Variants in CENPI observed in about 807,000 individuals in gnomAD.
CENPI encodes centromere protein I.
Under a neutral mutation model 60.4 loss-of-function variants are expected in CENPI, and 4 were observed. That is an observed-to-expected ratio of 0.07 (90% CI 0.03 to 0.15). CENPI has a LOEUF of 0.15. CENPI is among the 10% of genes least tolerant of loss of function. The pLI, the probability that CENPI is intolerant of heterozygous loss-of-function variation, is 1.00. For missense variants in CENPI, 444 were observed against 534.5 expected (o/e 0.83, Z 1.67); for synonymous variants, 157 against 189.4 (o/e 0.83, Z 1.40).
intron 20 of CENPI, among the ~76,000 whole-genome samples, chrX:101,152,413 T>C (rs2148246311): frequency 9.1e-6 from 1 of 110,485 alleles, no homozygotes; most frequent in African/African-American, 3.3e-5. Context: ...CTTCTGTGAC[T>C]GGCTTCTTTC....
At chrX:101,181,208 A>G in the CENPI span, among the ~76,000 whole-genome samples, 18 of 110,385 alleles carry the variant, frequency 1.6e-4, no homozygotes, top group African/African-American at 5.3e-4. Flanking sequence ...TTGTTATTGT[A>G]CCTTTGTGAT....
chrX:101,158,364 G>T (rs1431626374), intron 20 of CENPI, among the ~76,000 whole-genome samples: 1 of 94,459 alleles, frequency 1.1e-5, no homozygotes, highest in Non-Finnish European at 2.0e-5. Context: ...CACAACCTCC[G>T]CCTCCTGGGT....
chrX:101,150,326 T>G (rs1379355276), intron 20 of CENPI, among the ~76,000 whole-genome samples: 2 of 108,284 alleles, frequency 1.8e-5, no homozygotes, highest in Non-Finnish European at 3.8e-5. Flanking sequence ...TAGGTACATT[T>G]GTTGTTTCTG....
At chrX:101,142,168 A>G (rs1350836792) in intron 16 of CENPI, among the ~76,000 whole-genome samples, 4 of 112,020 alleles carry the variant, frequency 3.6e-5, no homozygotes. Context: ...GTTTGCATCT[A>G]TAATATTTGG....
rs1335381045 is a variant in CENPI, at chrX:101,147,995, A to G, written c.1928A>G (p.Tyr643Cys). ...SSKTYQEFNH[Y>C]LTSMVGCLWT... ...AAGACTTATCAAGAATTTAATCACT[A>G]TTTGACATCAATGGTTGGTTGCCTG... is the stretch of plus-strand genomic sequence containing the variant. Residue 643 changes from tyrosine to cysteine, a missense_variant, in exon 20 of 22, where the codon TAT becomes TGT. Tyr to Cys is a radical substitution (Grantham distance 194). Coordinates refer to ENST00000682095, the MANE Select transcript of CENPI (RefSeq NM_001386188.2). The G allele has an allele frequency of 1.7e-6, 2 of 1,202,342 alleles. No homozygotes were observed. The highest frequency in any genetic ancestry group is 1.8e-5 in the African/African-American group (1 of 57,035).
At chrX:101,131,286 T>C (rs2089793565) in intron 13 of CENPI, among the ~76,000 whole-genome samples, 2 of 111,711 alleles carry the variant, frequency 1.8e-5, no homozygotes, top group Non-Finnish European at 3.8e-5. Context: ...GCTGAGATTA[T>C]AGGTGTGAGC....
chrX:101,136,778 A>G (rs2089852390), intron 15 of CENPI, among the ~76,000 whole-genome samples: 1 of 112,165 alleles, frequency 8.9e-6, no homozygotes, highest in South Asian at 3.7e-4. Flanking sequence ...AGTTGCAAAC[A>G]TAGTGGACAT....
chrX:101,136,408 A>G (rs1224637637), intron 15 of CENPI, among the ~76,000 whole-genome samples: 1 of 111,950 alleles, frequency 8.9e-6, no homozygotes, highest in Non-Finnish European at 1.9e-5. Context: ...AGAATAAGTG[A>G]CTAAAGGGGC....
intron 21 of CENPI, 132 bp downstream of exon 21, chrX:101,161,701 C>A (rs2090109493): frequency 9.3e-6 from 5 of 536,701 alleles, no homozygotes; most frequent in Non-Finnish European, 1.6e-5. Context: ...TGTTTGCCTT[C>A]CAAATTCATT....
chrX:101,122,619 T>C (rs1442792919), intron 8 of CENPI, among the ~76,000 whole-genome samples: 1 of 111,543 alleles, frequency 9.0e-6, no homozygotes, highest in East Asian at 2.8e-4. Flanking sequence ...GGCTCACACC[T>C]GTAATCCCAG....
the CENPI span, among the ~76,000 whole-genome samples, chrX:101,178,165 C>T: frequency 1.1e-4 from 12 of 111,323 alleles, no homozygotes; most frequent in South Asian, 3.8e-4. Context: ...CCTGGAGCCT[C>T]TCCAGGTTCC....
At position 101,120,763 on chromosome X, in the gene CENPI, G is replaced by A; in HGVS notation, c.666G>A (p.Leu222=). ...ENVKPFRVRK[L]LDLQAKMGMQ... is the part of the protein sequence containing the mutation. ...TCAAACCATTTCGTGTGAGAAAACTGCTTGATCTTCAGGCCAAAATGGTGA... is the reference window on the plus strand; with the variant it reads ...TCAAACCATTTCGTGTGAGAAAACTACTTGATCTTCAGGCCAAAATGGTGA... Residue 222 remains leucine, a synonymous_variant, in exon 8 of 22, where the codon CTG becomes CTA. Coordinates refer to ENST00000682095, the MANE Select transcript of CENPI (RefSeq NM_001386188.2). The A allele has an allele frequency of 8.3e-7, 1 of 1,209,265 alleles. No homozygotes were observed. The highest frequency in any genetic ancestry group is 1.1e-6 in the Non-Finnish European group (1 of 893,757).
rs755004593 is a variant in CENPI at position 101,132,392 on chromosome X, A to G, written c.1406A>G (p.Glu469Gly). ...VSWIPFSSFS[E>G]VKPLLFDHLA... ...GAATAATCTTTTTTTTGATTCCTAG[A>G]GGTGAAACCACTTCTTTTTGACCAT... The change falls in exon 15 of 22, where the codon GAG (glutamate) becomes GGG (glycine). Residue 469 changes from glutamate (E) to glycine (G), a missense_variant and splice_region_variant. By Grantham distance (98) the Glu-to-Gly change is moderately conservative. Coordinates refer to ENST00000682095, the MANE Select transcript of CENPI (RefSeq NM_001386188.2). 1.7e-6 allele frequency: 2 copies of G among 1,208,022 alleles called. No individual in the cohort carries two copies. Among genetic ancestry groups the G allele is most frequent in the African/African-American group, 1.7e-5 (1 of 57,748 alleles).
At chrX:101,152,794 C>CTATA (rs113925958) in intron 20 of CENPI, among the ~76,000 whole-genome samples, 16 of 108,675 alleles carry the variant, frequency 1.5e-4, no homozygotes, top group South Asian at 4.0e-4. Context: ...AATAATATTC[C>CTATA]TATATATATA....
In CENPI at chrX:101,107,926, A is replaced by AT. The variant is rs200458884; in HGVS notation, c.365-1539dup. ...GCCACCACACCTGGCCTAATTTTGTATTTTTTTTATTAGAGATGGGGTTTC... is the reference window on the plus strand; with the variant it reads ...GCCACCACACCTGGCCTAATTTTGTATTTTTTTTTATTAGAGATGGGGTTTC... On this transcript the variant is annotated intron_variant, in intron 4 of 21. Transcript: ENST00000682095. 5.7e-3 allele frequency among the ~76,000 whole-genome samples: 470 copies of AT among 82,957 alleles called. 1 individual carries two copies. Among genetic ancestry groups the AT allele is most frequent in the African/African-American group, 0.02 (429 of 21,600 alleles). 72.0% of individuals were successfully genotyped at this position (82,957 alleles called of 115,157 possible).
chrX:101,149,507 CT>C (rs1378131346), intron 20 of CENPI, among the ~76,000 whole-genome samples: 335 of 92,984 alleles, frequency 3.6e-3, no homozygotes, highest in Middle Eastern at 0.011. Flanking sequence ...GGTGCTTCTT[CT>C]TTTTTTTTTT....
Position 101,127,607 on chromosome X carries a change from T to A in CENPI, c.1016T>A (p.Phe339Tyr). 8.4e-7 allele frequency: 1 copy of A among 1,194,210 alleles called. No homozygotes were observed. The highest frequency in any genetic ancestry group is 1.7e-5 in the African/African-American group (1 of 57,468). Residue 339 changes from phenylalanine to tyrosine, a missense_variant, in exon 11 of 22, where the codon TTT becomes TAT. Phe to Tyr is a conservative substitution (Grantham distance 22, BLOSUM62 3). Coordinates refer to ENST00000682095, the MANE Select transcript of CENPI (RefSeq NM_001386188.2). ...LSDCLNRSGS[F>Y]PLEQLQSFPQ... ...GATTGTCTGAATAGAAGTGGATCAT[T>A]TCCACTAGAACAACTTCAAAGCTTC...
Position 101,143,809 on chromosome X carries a change from G to A in CENPI, c.1566-1255G>A, listed in dbSNP as rs1440915955. Reference sequence around the variant, plus strand: ...CTCCCAAAGTGCTGGGATTACAGGCGTGAGCCACTGCCCCCAGCCAAATTC... The same window carrying A: ...CTCCCAAAGTGCTGGGATTACAGGCATGAGCCACTGCCCCCAGCCAAATTC... On this transcript the variant is annotated intron_variant, in intron 16 of 21. Coordinates refer to ENST00000682095, the MANE Select transcript of CENPI (RefSeq NM_001386188.2). Among the ~76,000 whole-genome samples the A allele has an allele frequency of 3.6e-5, 4 of 112,253 alleles. No homozygotes were observed. In the East Asian group the frequency reaches 8.4e-4, roughly 24 times the overall value.
intron 12 of CENPI, 99 bp from the exon 13 acceptor site, chrX:101,129,882 CT>C: frequency 1.8e-6 from 1 of 563,024 alleles, no homozygotes; most frequent in East Asian, 3.5e-5. Flanking sequence ...AGACTTATGG[CT>C]TTTTTACTTT....
Sources: gnomAD v4.1 joint callset for allele counts (sites outside exome capture counted in the v4.1 genomes callset) on GRCh38, gnomAD v4.1.1 for gene constraint, MANE v1.5 for transcripts, NCBI Gene and HGNC (gene_info 2026-07-23, HGNC 2026-07-21) for gene names.